Variants in HOMER1 observed in about 807,000 individuals in gnomAD.
The protein encoded by HOMER1 is homer scaffold protein 1.
Under a neutral mutation model 48.9 loss-of-function variants are expected in HOMER1, and 3 were observed. The ratio of observed to expected loss-of-function variants is 0.06; its 90% confidence interval spans 0.03 to 0.16. The LOEUF (loss-of-function observed/expected upper bound fraction) is 0.16. HOMER1 is among the 10% of genes least tolerant of loss of function. The probability of loss-of-function intolerance (pLI) is 1.00; values close to 1 mark genes in which losing one functional copy is unlikely to be tolerated. For missense variants in HOMER1, 247 were observed against 411.4 expected (o/e 0.60, Z 3.46); for synonymous variants, 134 against 146.4 (o/e 0.92, Z 0.61).
chr5:79,512,502 G>A (rs1024393134), intron 1 of HOMER1, among the ~76,000 whole-genome samples: 7 of 152,216 alleles, frequency 4.6e-5, no homozygotes, highest in Non-Finnish European at 1.0e-4. Context: ...GACCAGTAAA[G>A]TGTAGAATGC....
intron 5 of HOMER1, among the ~76,000 whole-genome samples, chr5:79,415,904 T>C (rs1216755077): frequency 6.6e-6 from 1 of 152,222 alleles, no homozygotes; most frequent in Non-Finnish European, 1.5e-5. Flanking sequence ...GCAAGTTACC[T>C]AACCTCATCA....
chr5:79,392,412 GTCT>G (rs1452078726), intron 8 of HOMER1, among the ~76,000 whole-genome samples: 1 of 152,086 alleles, frequency 6.6e-6, no homozygotes, highest in Non-Finnish European at 1.5e-5. Flanking sequence ...GTGTGTTTGT[GTCT>G]TCGTTTTTTA....
chr5:79,490,122 T>G (rs1484950225), intron 1 of HOMER1, among the ~76,000 whole-genome samples: 1 of 152,218 alleles, frequency 6.6e-6, no homozygotes, highest in Non-Finnish European at 1.5e-5. Context: ...GCTGTCATAC[T>G]TCCAACATTT....
intron 1 of HOMER1, among the ~76,000 whole-genome samples, chr5:79,474,474 C>T (rs1751706624): frequency 6.6e-6 from 1 of 151,970 alleles, no homozygotes; most frequent in Admixed American, 6.6e-5. Context: ...TAAAGTTCTC[C>T]CTTGAATTGT....
intron 1 of HOMER1, among the ~76,000 whole-genome samples, chr5:79,472,840 C>A (rs1751661196): frequency 6.6e-6 from 1 of 151,986 alleles, no homozygotes; most frequent in Non-Finnish European, 1.5e-5. Context: ...ATTCACCTAG[C>A]AAACAGATTT....
At position 79,512,860 on chromosome 5, in the gene HOMER1, A is replaced by G; in HGVS notation, c.-86T>C. 7.1e-7 allele frequency: 1 copy of G among 1,405,388 alleles called. No individual in the cohort carries two copies. The highest frequency in any genetic ancestry group is 1.0e-6 in the Non-Finnish European group (1 of 992,096). The allele number at this position is 1,405,388 out of a possible 1,614,324, so 87.1% of individuals were successfully genotyped here. On this transcript the variant is annotated 5_prime_UTR_variant, in exon 1 of 9. Transcript: ENST00000334082. The stretch of plus-strand genomic sequence containing the variant: ...GGAATTTCTCCGTCTGCTATTTCGC[A>G]GTTGCTTTTCCACCCCCACCCCCAG...
At chr5:79,391,929 T>C (rs899488847) in intron 8 of HOMER1, among the ~76,000 whole-genome samples, 6 of 152,082 alleles carry the variant, frequency 3.9e-5, no homozygotes, top group African/African-American at 1.4e-4. Context: ...GAACAGCATA[T>C]GCAACAGTGG....
Position 79,439,026 on chromosome 5 carries a change from A to G in HOMER1, c.511T>C (p.Leu171=), listed in dbSNP as rs72766735. The G allele has an allele frequency of 2.8e-3, 4,599 of 1,613,738 alleles. 14 individuals carry two copies. Among genetic ancestry groups the G allele is most frequent in the Non-Finnish European group, 3.5e-3 (4,156 of 1,179,670 alleles). The part of the protein sequence containing the change: ...EPRAEPTQNA[L]PFSHSSAISK... ...AATCTGTACCTATGTGAAAATGGCA[A>G]TGCATTCTGAGTTGGTTCAGCCCTT... is the stretch of plus-strand genomic sequence containing the variant. Residue 171 remains leucine, a synonymous_variant, in exon 5 of 9, where the codon TTG becomes CTG. Transcript: ENST00000334082.
At chr5:79,451,740 G>T (rs1751034701) in intron 2 of HOMER1, among the ~76,000 whole-genome samples, 1 of 151,232 alleles carries the variant, frequency 6.6e-6, no homozygotes, top group Non-Finnish European at 1.5e-5. Flanking sequence ...TAACTTTTTT[G>T]TATTTTTTTT....
chr5:79,471,758 T>C (rs566791956), intron 1 of HOMER1, among the ~76,000 whole-genome samples: 1 of 152,250 alleles, frequency 6.6e-6, no homozygotes, highest in African/African-American at 2.4e-5. Flanking sequence ...CCTCCCTGTC[T>C]TAACTTCATT....
chr5:79,417,422 G>A (rs1749976476), intron 5 of HOMER1, among the ~76,000 whole-genome samples: 2 of 152,290 alleles, frequency 1.3e-5, no homozygotes, highest in South Asian at 2.1e-4. Flanking sequence ...GATTATAGGC[G>A]TGAGCCACCG....
rs949517660 is a variant in HOMER1, at chr5:79,375,123, A to G, written c.*886T>C. 1 of 152,106 alleles carries G rather than the reference A, an allele frequency of 6.6e-6. No individual in the cohort carries two copies. Among genetic ancestry groups the G allele is most frequent in the Non-Finnish European group, 1.5e-5 (1 of 67,960 alleles). 9.4% of individuals were successfully genotyped at this position (152,106 alleles called of 1,614,324 possible). A position where few individuals can be genotyped will look rare whatever the true frequency, so the allele number is the denominator to read the frequency against. On this transcript the variant is annotated 3_prime_UTR_variant, in exon 9 of 9. Transcript: ENST00000334082. ...AAGATTTCTTGCAAAATATATAAAT[A>G]AATGTAACTGCATATTCTGTAAATA...
At chr5:79,386,755 A>G (rs1247162883) in intron 8 of HOMER1, among the ~76,000 whole-genome samples, 1 of 152,220 alleles carries the variant, frequency 6.6e-6, no homozygotes, top group Non-Finnish European at 1.5e-5. Flanking sequence ...TTATCTATCA[A>G]TAAAAGGAAA....
Position 79,449,380 on chromosome 5 carries a change from G to T in HOMER1, c.294+1610C>A, listed in dbSNP as rs551531955. On this transcript the variant is annotated intron_variant, in intron 3 of 8. Transcript: ENST00000334082. ...GAAACCTGTATCCTAGTTATGCTGA[G>T]ATACTTTGAATGTAAAACTCTTATT... Among the ~76,000 whole-genome samples, 3 of 152,334 alleles carry T rather than the reference G, an allele frequency of 2.0e-5. No homozygotes were observed. The Middle Eastern group carries it at 0.01, about 518-fold the overall frequency.
intron 5 of HOMER1, among the ~76,000 whole-genome samples, chr5:79,406,445 C>T (rs1413620359): frequency 6.6e-6 from 1 of 152,138 alleles, no homozygotes; most frequent in East Asian, 1.9e-4. Context: ...GCCAGAGATA[C>T]AAAAGGGAAT....
intron 1 of HOMER1, among the ~76,000 whole-genome samples, chr5:79,503,071 G>A (rs993329261): frequency 4.6e-5 from 7 of 152,170 alleles, no homozygotes; most frequent in East Asian, 1.9e-4. Flanking sequence ...ACAGGCGTGA[G>A]CCACTGCGCC....
intron 1 of HOMER1, among the ~76,000 whole-genome samples, chr5:79,467,951 T>TA (rs1407208905): frequency 1.3e-5 from 2 of 152,130 alleles, no homozygotes; most frequent in Non-Finnish European, 2.9e-5. Flanking sequence ...CAGCTTTTTT[T>TA]AGTTTCTAGA....
At chr5:79,490,972 A>T (rs1752255831) in intron 1 of HOMER1, among the ~76,000 whole-genome samples, 1 of 149,440 alleles carries the variant, frequency 6.7e-6, no homozygotes, top group Admixed American at 6.7e-5. Flanking sequence ...TTTCTTGGAA[A>T]TATAATACAA....
intron 5 of HOMER1, among the ~76,000 whole-genome samples, chr5:79,410,921 G>C (rs1749799119): frequency 6.6e-6 from 1 of 152,186 alleles, no homozygotes; most frequent in Non-Finnish European, 1.5e-5. Context: ...TTTACCTTAA[G>C]AGAGCTGTTC....
Sources: gnomAD v4.1 joint callset for allele counts (sites outside exome capture counted in the v4.1 genomes callset) on GRCh38, gnomAD v4.1.1 for gene constraint, MANE v1.5 for transcripts, NCBI Gene and HGNC (gene_info 2026-07-23, HGNC 2026-07-21) for gene names.